Variants in COMMD10 observed in about 807,000 individuals in gnomAD.
COMMD10 encodes the protein COMM domain-containing protein 10.
In COMMD10, 33 loss-of-function variants were observed where a neutral mutation model predicts 28.9. The observed-to-expected ratio is 1.14, with a 90% CI of 0.87 to 1.53. The LOEUF (loss-of-function observed/expected upper bound fraction) is 1.53. Ranked by LOEUF, COMMD10 falls within the 40% of genes most tolerant of loss-of-function variation. The pLI is 0.00. For synonymous variants in COMMD10, 110 were observed against 81.7 expected, an observed-to-expected ratio of 1.35 and a Z score of -1.87; for missense variants, 310 against 233.4, an observed-to-expected ratio of 1.33 and a Z score of -2.14.
intron 5 of COMMD10, among the ~76,000 whole-genome samples, chr5:116,185,183 C>T (rs1420113919): frequency 2.6e-5 from 4 of 151,938 alleles, no homozygotes; most frequent in Admixed American, 2.6e-4. Flanking sequence ...CTATGTGATC[C>T]ACAATGACCC....
chr5:116,247,069 T>C (rs548638058), intron 5 of COMMD10, among the ~76,000 whole-genome samples: 1 of 151,756 alleles, frequency 6.6e-6, no homozygotes, highest in Admixed American at 6.6e-5. Context: ...TTGCAAACTT[T>C]GCATCCAACA....
At chr5:116,139,350 T>A (rs917937068) in intron 5 of COMMD10, among the ~76,000 whole-genome samples, 7 of 145,038 alleles carry the variant, frequency 4.8e-5, no homozygotes, top group African/African-American at 1.8e-4. Context: ...ACAAATATTA[T>A]TGTAAGGGCT....
At position 116,283,707 on chromosome 5, in the gene COMMD10, G is replaced by A. The variant is rs561113759; in HGVS notation, c.511-7810G>A. 5.1e-4 allele frequency among the ~76,000 whole-genome samples: 77 copies of A among 151,570 alleles called. 2 individuals are homozygous for A. Among genetic ancestry groups the A allele is most frequent in the African/African-American group, 1.8e-3 (75 of 41,080 alleles). On this transcript the variant is annotated intron_variant, in intron 5 of 6. Coordinates refer to ENST00000274458, the MANE Select transcript of COMMD10 (RefSeq NM_016144.4). ...TTTAACCAAATCTGATCAATGTTTC[G>A]TATTAGTCTTACTGCATAATGGCAG...
At chr5:116,206,251 C>T (rs908038812) in intron 5 of COMMD10, among the ~76,000 whole-genome samples, 1 of 152,118 alleles carries the variant, frequency 6.6e-6, no homozygotes, top group Non-Finnish European at 1.5e-5. Flanking sequence ...TCTATTTGTT[C>T]CATTGAGTAG....
At chr5:116,085,347 G>A in intron 1 of COMMD10, 1 of 491,278 alleles carries the variant, frequency 2.0e-6, no homozygotes, top group Non-Finnish European at 3.6e-6. Context: ...ACGGAAGCGT[G>A]TGGTCTGCAA....
At chr5:116,089,392 T>C (rs1451765451) in intron 2 of COMMD10, among the ~76,000 whole-genome samples, 2 of 152,228 alleles carry the variant, frequency 1.3e-5, no homozygotes, top group African/African-American at 4.8e-5. Context: ...ATGGAACATT[T>C]CATAAATTGG....
At chr5:116,144,411 CT>C (rs1429478792) in intron 5 of COMMD10, among the ~76,000 whole-genome samples, 4 of 151,756 alleles carry the variant, frequency 2.6e-5, no homozygotes, top group Non-Finnish European at 4.4e-5. Flanking sequence ...TTCCTATTAA[CT>C]AGATGAAGAA....
intron 5 of COMMD10, among the ~76,000 whole-genome samples, chr5:116,189,617 G>A (rs568090669): frequency 6.6e-6 from 1 of 152,050 alleles, no homozygotes; most frequent in East Asian, 1.9e-4. Flanking sequence ...GGAAAAATTG[G>A]CCTTAATCCC....
intron 1 of COMMD10, among the ~76,000 whole-genome samples, chr5:116,085,879 G>C (rs760569431): frequency 1.3e-4 from 20 of 152,328 alleles, no homozygotes; most frequent in South Asian, 4.1e-4. Context: ...TTATTTTAAA[G>C]TTTTTCCTTC....
intron 5 of COMMD10, among the ~76,000 whole-genome samples, chr5:116,189,053 G>C (rs1327685215): frequency 6.6e-6 from 1 of 152,136 alleles, no homozygotes; most frequent in Non-Finnish European, 1.5e-5. Context: ...ATGGCTCATT[G>C]TATGTTAGGG....
At chr5:116,209,956 G>C (rs1218893809) in intron 5 of COMMD10, among the ~76,000 whole-genome samples, 1 of 152,126 alleles carries the variant, frequency 6.6e-6, no homozygotes, top group Non-Finnish European at 1.5e-5. Flanking sequence ...CCATAGTTCT[G>C]AAGGCTGAGA....
intron 5 of COMMD10, among the ~76,000 whole-genome samples, chr5:116,184,309 C>G (rs1378058618): frequency 3.1e-5 from 2 of 64,978 alleles, no homozygotes; most frequent in African/African-American, 1.1e-4. Flanking sequence ...AACTATATAT[C>G]TGACCTTTTT....
At chr5:116,131,737 G>T (rs547779587) in intron 4 of COMMD10, among the ~76,000 whole-genome samples, 3 of 152,044 alleles carry the variant, frequency 2.0e-5, no homozygotes, top group South Asian at 2.1e-4. Flanking sequence ...ACAAATTATT[G>T]CAATACACTG....
At chr5:116,289,852 A>G (rs901075630) in intron 5 of COMMD10, among the ~76,000 whole-genome samples, 6 of 151,862 alleles carry the variant, frequency 4.0e-5, no homozygotes, top group African/African-American at 1.5e-4. Flanking sequence ...GGGTATTCTG[A>G]TCCGTATATT....
At chr5:116,270,102 T>C (rs1319942357) in intron 5 of COMMD10, among the ~76,000 whole-genome samples, 3 of 151,954 alleles carry the variant, frequency 2.0e-5, no homozygotes, top group Non-Finnish European at 2.9e-5. Flanking sequence ...TTGAGTATTT[T>C]GTCCATTGTT....
intron 5 of COMMD10, among the ~76,000 whole-genome samples, chr5:116,284,017 T>C (rs2112711250): frequency 6.6e-6 from 1 of 151,750 alleles, no homozygotes. Context: ...TAATCCCAGC[T>C]ACTCACAGGC....
intron 5 of COMMD10, among the ~76,000 whole-genome samples, chr5:116,144,934 G>A (rs1262102386): frequency 6.6e-6 from 1 of 151,712 alleles, no homozygotes; most frequent in East Asian, 1.9e-4. Context: ...AGAATGGAGA[G>A]GGATATATTA....
intron 5 of COMMD10, among the ~76,000 whole-genome samples, chr5:116,200,285 T>A (rs976478119): frequency 1.3e-5 from 2 of 152,110 alleles, no homozygotes; most frequent in African/African-American, 4.8e-5. Flanking sequence ...GAGGAAAAAT[T>A]GGATGTAATT....
intron 5 of COMMD10, among the ~76,000 whole-genome samples, chr5:116,229,167 C>A (rs929766998): frequency 6.6e-6 from 1 of 151,852 alleles, no homozygotes; most frequent in Admixed American, 6.6e-5. Context: ...TATTTTTAAT[C>A]CTACTCATAG....
Sources: allele counts gnomAD v4.1 joint callset (sites outside exome capture counted in the v4.1 genomes callset), GRCh38; gene constraint gnomAD v4.1.1; transcripts MANE v1.5; gene names NCBI Gene and HGNC (gene_info 2026-07-23, HGNC 2026-07-21).